ZNF423: variants seen among roughly 807,000 people sequenced by gnomAD.
The protein encoded by ZNF423 is Ebf-associated zinc finger protein.
A neutral mutation model predicts 95.8 loss-of-function variants in ZNF423; 12 were observed. That is an observed-to-expected ratio of 0.13 (90% CI 0.08 to 0.20). ZNF423 has a LOEUF of 0.20. Ranked by LOEUF, ZNF423 falls within the 10% of genes least tolerant of loss-of-function variation. The pLI, the probability that ZNF423 is intolerant of heterozygous loss-of-function variation, is 1.00. For synonymous variants in ZNF423, 749 were observed against 711.9 expected, an observed-to-expected ratio of 1.05 and a Z score of -0.83; for missense variants, 1,316 against 1,737.1, an observed-to-expected ratio of 0.76 and a Z score of 4.31.
At chr16:49,620,555 C>T (rs141128701) in intron 5 of ZNF423, among the ~76,000 whole-genome samples, 2,464 of 152,238 alleles carry the variant, frequency 0.016, 118 homozygotes, top group Admixed American at 0.089. Context: ...CCTGGCTGCC[C>T]GCCAGAGAGT....
chr16:49,806,633 T>A (rs928046811), intron 1 of ZNF423, among the ~76,000 whole-genome samples: 1 of 152,174 alleles, frequency 6.6e-6, no homozygotes, highest in Non-Finnish European at 1.5e-5. Flanking sequence ...ATGACGTGTG[T>A]GTGTGTGCTT....
At chr16:49,672,869 A>G (rs1048225488) in intron 3 of ZNF423, among the ~76,000 whole-genome samples, 1 of 152,152 alleles carries the variant, frequency 6.6e-6, no homozygotes, top group African/African-American at 2.4e-5. Context: ...AAAGCCTCCG[A>G]AAAAAGAGTG....
At chr16:49,794,182 C>A (rs924322636) in intron 1 of ZNF423, among the ~76,000 whole-genome samples, 20 of 151,934 alleles carry the variant, frequency 1.3e-4, no homozygotes, top group Admixed American at 5.2e-4. Context: ...GCCACAGGCA[C>A]ATGCCACCAC....
At position 49,807,593 on chromosome 16, in the gene ZNF423, G is replaced by A. The variant is rs546010678; in HGVS notation, c.41-18047C>T. Among the ~76,000 whole-genome samples, 6 of 152,300 alleles carry A rather than the reference G, an allele frequency of 3.9e-5. No homozygotes were observed. The East Asian group carries it at 1.2e-3, about 29-fold the overall frequency. Reference sequence around the variant, plus strand: ...TTTGTATTTTTAATGTCTGATTTGGGAGGGGGACATTTCACTGGCACAGAT... The same window carrying A: ...TTTGTATTTTTAATGTCTGATTTGGAAGGGGGACATTTCACTGGCACAGAT... On this transcript the variant is annotated intron_variant, in intron 1 of 7. Coordinates refer to ENST00000563137, the MANE Select transcript of ZNF423 (RefSeq NM_001379286.1).
chr16:49,681,496 G>T (rs1232900628), intron 3 of ZNF423, among the ~76,000 whole-genome samples: 1 of 152,244 alleles, frequency 6.6e-6, no homozygotes, highest in Non-Finnish European at 1.5e-5. Context: ...TGGGGCAGAT[G>T]TATAAACCTT....
intron 7 of ZNF423, among the ~76,000 whole-genome samples, chr16:49,522,757 T>TAGGA (rs1317616093): frequency 6.6e-6 from 1 of 152,174 alleles, no homozygotes; most frequent in Non-Finnish European, 1.5e-5. Flanking sequence ...TACACTGTGA[T>TAGGA]AGGAACTGTG....
chr16:49,496,482 C>T (rs1452577827), intron 7 of ZNF423, among the ~76,000 whole-genome samples: 7 of 152,136 alleles, frequency 4.6e-5, no homozygotes, highest in South Asian at 4.1e-4. Context: ...CCCCATGTGA[C>T]GGACTAGCTC....
At chr16:49,607,798 C>T (rs1363241326) in intron 5 of ZNF423, among the ~76,000 whole-genome samples, 2 of 152,202 alleles carry the variant, frequency 1.3e-5, no homozygotes. Flanking sequence ...CATCCAAATG[C>T]TACAATTCCA....
chr16:49,779,801 G>A (rs2034179403), intron 2 of ZNF423, among the ~76,000 whole-genome samples: 1 of 152,206 alleles, frequency 6.6e-6, no homozygotes, highest in South Asian at 2.1e-4. Flanking sequence ...TCCTCAGGGA[G>A]CACCCCAGCT....
At chr16:49,555,681 C>T (rs1404999797) in intron 5 of ZNF423, among the ~76,000 whole-genome samples, 1 of 152,028 alleles carries the variant, frequency 6.6e-6, no homozygotes, top group African/African-American at 2.4e-5. Context: ...TGAATGTAAC[C>T]ATGGACAGGT....
intron 1 of ZNF423, among the ~76,000 whole-genome samples, chr16:49,798,049 A>T (rs912691904): frequency 6.6e-6 from 1 of 152,212 alleles, no homozygotes; most frequent in Non-Finnish European, 1.5e-5. Context: ...ATCTCCATAA[A>T]AAATTTAAAA....
At chr16:49,800,295 C>T (rs568152619) in intron 1 of ZNF423, among the ~76,000 whole-genome samples, 1 of 151,978 alleles carries the variant, frequency 6.6e-6, no homozygotes, top group South Asian at 2.1e-4. Context: ...CACTATGTTG[C>T]CCAGACTGGT....
chr16:49,686,278 T>A (rs1023503165), intron 3 of ZNF423, among the ~76,000 whole-genome samples: 2 of 152,114 alleles, frequency 1.3e-5, no homozygotes, highest in African/African-American at 4.8e-5. Flanking sequence ...TCCTGCTGCT[T>A]GAGTCTCGGG....
intron 7 of ZNF423, among the ~76,000 whole-genome samples, chr16:49,499,498 C>A (rs1020575398): frequency 6.6e-6 from 1 of 152,190 alleles, no homozygotes. Flanking sequence ...GCAGATGCAG[C>A]GACCTGAGTC....
chr16:49,786,283 C>T lies in ZNF423; in HGVS notation c.100+3204G>A, dbSNP rs1001845631. Among the ~76,000 whole-genome samples, 4 of 152,218 alleles carry T rather than the reference C, an allele frequency of 2.6e-5. No individual in the cohort carries two copies. The South Asian group carries it at 6.2e-4, about 24-fold the overall frequency. ...GAGCAAGCCTGGTTGTTTCTGGGGGCGGAGGGCCACAGGGTCCCCACTGGC... is the reference window on the plus strand; with the variant it reads ...GAGCAAGCCTGGTTGTTTCTGGGGGTGGAGGGCCACAGGGTCCCCACTGGC... On this transcript the variant is annotated intron_variant, in intron 2 of 7. Transcript: ENST00000563137.
intron 3 of ZNF423, among the ~76,000 whole-genome samples, chr16:49,686,474 A>C (rs533590862): frequency 3.9e-4 from 60 of 152,182 alleles, no homozygotes; most frequent in Non-Finnish European, 7.4e-5. Flanking sequence ...GGCCCTGTGG[A>C]GCTCACTGCC....
chr16:49,549,406 G>A (rs1004715077), intron 5 of ZNF423, among the ~76,000 whole-genome samples: 1 of 152,230 alleles, frequency 6.6e-6, no homozygotes, highest in Non-Finnish European at 1.5e-5. Context: ...CCAGGCAAGT[G>A]CATGATTCTG....
At chr16:49,804,891 C>CTTTTTTTTTTTTT (rs754687457) in intron 1 of ZNF423, among the ~76,000 whole-genome samples, 4 of 95,940 alleles carry the variant, frequency 4.2e-5, no homozygotes, top group African/African-American at 1.6e-4. Context: ...GATCCCACAG[C>CTTTTTTTTTTTTT]TTTTTTTTTT....
chr16:49,604,647 T>G (rs1366639954), intron 5 of ZNF423, among the ~76,000 whole-genome samples: 1 of 152,132 alleles, frequency 6.6e-6, no homozygotes, highest in Non-Finnish European at 1.5e-5. Context: ...ACAATCACGG[T>G]CAGTGCAATC....
Sources: gnomAD v4.1 joint callset for allele counts (sites outside exome capture counted in the v4.1 genomes callset) on GRCh38, gnomAD v4.1.1 for gene constraint, MANE v1.5 for transcripts, NCBI Gene and HGNC (gene_info 2026-07-23, HGNC 2026-07-21) for gene names.